KIF16B: variants seen among roughly 807,000 people sequenced by gnomAD.
The protein encoded by KIF16B is kinesin-like protein KIF16B.
KIF16B carries 98 observed loss-of-function variants against 156.3 expected under a neutral mutation model. That is an observed-to-expected ratio of 0.63 (90% CI 0.53 to 0.74). The LOEUF (loss-of-function observed/expected upper bound fraction) is 0.74. KIF16B is among the 30% of genes least tolerant of loss of function. The pLI, the probability that KIF16B is intolerant of heterozygous loss-of-function variation, is 0.00. For synonymous variants in KIF16B, 564 were observed against 583.7 expected, an observed-to-expected ratio of 0.97 and a Z score of 0.49; for missense variants, 1,421 against 1,606.5, an observed-to-expected ratio of 0.88 and a Z score of 1.97.
At chr20:16,410,335 A>ATG (rs2065922673) in intron 15 of KIF16B, among the ~76,000 whole-genome samples, 1 of 141,330 alleles carries the variant, frequency 7.1e-6, no homozygotes, top group South Asian at 2.3e-4. Context: ...GTGTGTGTGT[A>ATG]TGTGTGTGTA....
intron 22 of KIF16B, among the ~76,000 whole-genome samples, chr20:16,361,068 G>C (rs1162896654): frequency 1.3e-5 from 2 of 152,176 alleles, no homozygotes; most frequent in Non-Finnish European, 2.9e-5. Context: ...CCATAGCCAA[G>C]CTTTGCTTCT....
At chr20:16,429,047 G>T in intron 13 of KIF16B, 43 bp from the exon 14 acceptor site, 1 of 1,502,870 alleles carries the variant, frequency 6.7e-7, no homozygotes, top group Non-Finnish European at 9.3e-7. Context: ...AAGAAGAGAA[G>T]GAATAGCTTG....
chr20:16,391,202 A>T (rs1215307647), intron 17 of KIF16B, among the ~76,000 whole-genome samples: 2 of 152,152 alleles, frequency 1.3e-5, no homozygotes, highest in African/African-American at 4.8e-5. Flanking sequence ...AATAAAGGGA[A>T]GTGATGAGAA....
At chr20:16,504,298 A>C (rs1032285729) in intron 10 of KIF16B, 74 bp downstream of exon 10, 1 of 1,445,404 alleles carries the variant, frequency 6.9e-7, no homozygotes. Flanking sequence ...GAGTGAGAAA[A>C]TTGTCTCATT....
rs140802864 is a variant in KIF16B at position 16,543,987 on chromosome 20, C to T, written c.48-15547G>A. Among the ~76,000 whole-genome samples the T allele has an allele frequency of 2.0e-3, 302 of 152,342 alleles. 1 individual carries two copies. The highest frequency in any genetic ancestry group is 0.013 in the South Asian group (61 of 4,814). On this transcript the variant is annotated intron_variant, in intron 1 of 25. Transcript: ENST00000354981. ...ACTCCTAATCTGATTTCAGCTACAT[C>T]TTCCTGGAGAGGGTATGTAAGCTTG...
intron 14 of KIF16B, among the ~76,000 whole-genome samples, chr20:16,427,462 A>G (rs6043937): frequency 0.48 from 73,143 of 151,836 alleles, 18,372 homozygotes; most frequent in East Asian, 0.77. Context: ...TCTTCAAGGG[A>G]TCTGGACATT....
chr20:16,283,497 C>T (rs375598122), intron 25 of KIF16B, among the ~76,000 whole-genome samples: 1 of 152,108 alleles, frequency 6.6e-6, no homozygotes, highest in African/African-American at 2.4e-5. Flanking sequence ...TGGGGAGCAG[C>T]GAGCCGTGGC....
At chr20:16,456,125 TACA>T (rs1364320962) in intron 12 of KIF16B, among the ~76,000 whole-genome samples, 1 of 151,782 alleles carries the variant, frequency 6.6e-6, no homozygotes, top group Non-Finnish European at 1.5e-5. Flanking sequence ...TACAATACAA[TACA>T]ATACAATACA....
At chr20:16,530,393 C>A (rs761996716) in intron 1 of KIF16B, among the ~76,000 whole-genome samples, 1 of 152,190 alleles carries the variant, frequency 6.6e-6, no homozygotes, top group Non-Finnish European at 1.5e-5. Flanking sequence ...TTCTGTCTTG[C>A]TGGCTCTCTC....
At chr20:16,490,383 A>C (rs2068252719) in intron 12 of KIF16B, among the ~76,000 whole-genome samples, 1 of 152,048 alleles carries the variant, frequency 6.6e-6, no homozygotes, top group Admixed American at 6.6e-5. Flanking sequence ...TCTACTAAAA[A>C]GACAAAAAAT....
At chr20:16,389,194 T>C (rs1256259052) in intron 17 of KIF16B, among the ~76,000 whole-genome samples, 1 of 152,066 alleles carries the variant, frequency 6.6e-6, no homozygotes, top group East Asian at 1.9e-4. Context: ...CTGTCAAATA[T>C]AGGGATTACT....
intron 3 of KIF16B, among the ~76,000 whole-genome samples, chr20:16,521,335 C>G (rs187850905): frequency 1.3e-5 from 2 of 151,870 alleles, no homozygotes; most frequent in African/African-American, 4.8e-5. Flanking sequence ...ATGACCTGAT[C>G]GAGCTGAAAG....
intron 22 of KIF16B, among the ~76,000 whole-genome samples, chr20:16,363,325 G>A (rs1295282256): frequency 6.6e-6 from 1 of 152,096 alleles, no homozygotes; most frequent in Admixed American, 6.5e-5. Flanking sequence ...CATCCATGGA[G>A]GTACTCAAAT....
intron 12 of KIF16B, among the ~76,000 whole-genome samples, chr20:16,446,176 A>G (rs2146564114): frequency 6.6e-6 from 1 of 152,322 alleles, no homozygotes; most frequent in East Asian, 1.9e-4. Context: ...CACTTAAACC[A>G]TGAGAAAACA....
chr20:16,505,971 T>C (rs1307083002), intron 8 of KIF16B, 51 bp downstream of exon 8: 2 of 1,608,544 alleles, frequency 1.2e-6, no homozygotes, highest in South Asian at 1.1e-5. Context: ...ATATTACACA[T>C]GAGGAAAAAG....
At chr20:16,566,811 C>G (rs974225004) in intron 1 of KIF16B, among the ~76,000 whole-genome samples, 5 of 152,150 alleles carry the variant, frequency 3.3e-5, no homozygotes, top group Non-Finnish European at 7.3e-5. Context: ...TGAAATGTGC[C>G]TAATGCAATT....
intron 1 of KIF16B, among the ~76,000 whole-genome samples, chr20:16,530,524 T>C (rs542052871): frequency 1.7e-4 from 26 of 152,212 alleles, no homozygotes; most frequent in African/African-American, 5.8e-4. Flanking sequence ...CCAGACAGCC[T>C]GGCAGGGCAC....
rs1313670664 is a variant in KIF16B at position 16,272,545 on chromosome 20, T to C, written c.*708A>G. ...GTAGCCATTTAGATTTGGGAGAATG[T>C]TCTTGAATATTCAAGGTTAAATAAA... On this transcript the variant is annotated 3_prime_UTR_variant, in exon 26 of 26. Transcript: ENST00000354981. The C allele has an allele frequency of 6.6e-6, 1 of 152,648 alleles. No individual in the cohort carries two copies. Among genetic ancestry groups the C allele is most frequent in the African/African-American group, 2.4e-5 (1 of 41,464 alleles). 9.5% of individuals were successfully genotyped at this position (152,648 alleles called of 1,614,324 possible).
rs368109732 is a variant in KIF16B, at chr20:16,361,085, C to G, written c.3499-4633G>C. Among the ~76,000 whole-genome samples the G allele has an allele frequency of 3.3e-4, 51 of 152,324 alleles. 1 individual carries two copies. The South Asian group carries it at 5.6e-3, about 17-fold the overall frequency. On this transcript the variant is annotated intron_variant, in intron 22 of 25. Transcript: ENST00000354981. ...ATAGCCAAGCTTTGCTTCTGAAATA[C>G]AGGCAAACCTGGCTTTTTATTAGAT...
Sources: gnomAD v4.1 joint callset for allele counts (sites outside exome capture counted in the v4.1 genomes callset) on GRCh38, gnomAD v4.1.1 for gene constraint, MANE v1.5 for transcripts, NCBI Gene and HGNC (gene_info 2026-07-23, HGNC 2026-07-21) for gene names.